The following ARAP1 variants were observed in gnomAD, a reference collection of about 807,000 sequenced individuals.
ARAP1 encodes arf-GAP with Rho-GAP domain, ANK repeat and PH domain-containing protein 1.
A neutral mutation model predicts 172.2 loss-of-function variants in ARAP1; 76 were observed. That is an observed-to-expected ratio of 0.44 (90% CI 0.37 to 0.53). The LOEUF is 0.53. Among genes scored for constraint, ARAP1 ranks in the 20% least tolerant of loss-of-function variants. ARAP1 has a pLI of 0.00. For missense variants in ARAP1, 1,686 were observed against 1,977.5 expected, an observed-to-expected ratio of 0.85 and a Z score of 2.80; for synonymous variants, 804 against 803.3, an observed-to-expected ratio of 1.00 and a Z score of -0.01.
chr11:72,726,404 C>T lies in ARAP1; in HGVS notation c.509+216G>A, dbSNP rs767158744. ...GAAACCTGGAGGCCTCACTGGCACA[C>T]GCCCAGCAGCCCAGGCACTGCGCTG... On this transcript the variant is annotated intron_variant, in intron 3 of 34. Coordinates refer to ENST00000393609, the MANE Select transcript of ARAP1 (RefSeq NM_001040118.3). The surrounding 1 kb of genome is among the most constrained non-coding windows in gnomAD (Gnocchi z 6.5). 1.3e-5 allele frequency among the ~76,000 whole-genome samples: 2 copies of T among 152,184 alleles called. No homozygotes were observed. The highest frequency in any genetic ancestry group is 2.9e-5 in the Non-Finnish European group (2 of 68,042).
At chr11:72,722,254 CA>C in intron 3 of ARAP1, 7 of 985,582 alleles carry the variant, frequency 7.1e-6, no homozygotes, top group Non-Finnish European at 8.4e-6. Context: ...TGTATGTCTG[CA>C]CCCAGCTCTG....
At position 72,712,487 on chromosome 11, in the gene ARAP1, C is replaced by G; in HGVS notation, c.829G>C (p.Asp277His). 6.2e-7 allele frequency: 1 copy of G among 1,610,106 alleles called. No homozygotes were observed. Among genetic ancestry groups the G allele is most frequent in the Non-Finnish European group, 8.5e-7 (1 of 1,177,098 alleles). Reference protein sequence around the residue: ...LSEGEELSGDDQGDEEEDDHA... With the variant: ...LSEGEELSGDHQGDEEEDDHA... ...TCATCCTCTTCCTCATCCCCTTGGT[C>G]GTCCCCAGACAGTTCCTCTCCCTCG... Residue 277 changes from aspartate (D) to histidine (H), a missense_variant, in exon 6 of 35, where the codon GAC becomes CAC. Coordinates refer to ENST00000393609, the MANE Select transcript of ARAP1 (RefSeq NM_001040118.3).
chr11:72,718,824 G>A (rs1268017062), intron 3 of ARAP1, among the ~76,000 whole-genome samples: 1 of 152,218 alleles, frequency 6.6e-6, no homozygotes, highest in Non-Finnish European at 1.5e-5. Flanking sequence ...AGAGGAGGGT[G>A]CAGCTTGTGC....
chr11:72,710,424 GGCCACGTACA>G lies in ARAP1; in HGVS notation c.1367_1376del (p.Leu456ProfsTer13). 1 of 1,614,006 alleles carries G rather than the reference GGCCACGTACA, an allele frequency of 6.2e-7. No homozygotes were observed. Among genetic ancestry groups the G allele is most frequent in the South Asian group, 1.1e-5 (1 of 91,080 alleles). ...AGAGCTGCACTTTGTCCCCGACCAC[GGCCACGTACA>G]GCTTATTCTTGAAGCCACGAAGCTC... On this transcript the variant is annotated frameshift_variant, in exon 10 of 35. Coordinates refer to ENST00000393609, the MANE Select transcript of ARAP1 (RefSeq NM_001040118.3). LOFTEE classifies it high-confidence loss of function. The surrounding 1 kb of genome is among the most constrained non-coding windows in gnomAD (Gnocchi z 4.3).
chr11:72,742,158 C>A (rs1238694591), intron 1 of ARAP1, among the ~76,000 whole-genome samples: 1 of 152,168 alleles, frequency 6.6e-6, no homozygotes, highest in Non-Finnish European at 1.5e-5. Context: ...TGACCTCAGT[C>A]TCCTGACTAT....
intron 3 of ARAP1, among the ~76,000 whole-genome samples, chr11:72,720,121 G>C (rs991565717): frequency 6.6e-6 from 1 of 152,150 alleles, no homozygotes; most frequent in Admixed American, 6.5e-5. Context: ...CACAGGTCTT[G>C]GAGGGACCTG....
chr11:72,745,841 T>G (rs916611421), intron 1 of ARAP1, among the ~76,000 whole-genome samples: 1 of 152,160 alleles, frequency 6.6e-6, no homozygotes, highest in African/African-American at 2.4e-5. Context: ...TGTGCTTCTC[T>G]GAGGGGCAGA....
rs2135496557 is a variant in ARAP1, at chr11:72,693,327, G to A, written c.3952C>T (p.Arg1318Trp). The change falls in exon 29 of 35, where the codon CGG (arginine) becomes TGG (tryptophan). Residue 1318 changes from arginine to tryptophan, a missense_variant and splice_region_variant. Arg to Trp is a moderately radical substitution (Grantham distance 101). Around this residue, in one of 5 missense-constraint regions of ARAP1, gnomAD observed 379 missense variants for 500.1 expected, o/e 0.76. Coordinates refer to ENST00000393609, the MANE Select transcript of ARAP1 (RefSeq NM_001040118.3). The surrounding 1 kb of genome is among the most constrained non-coding windows in gnomAD (Gnocchi z 4.6). ...SSCLRLYKEV[R>W]SQRPWSGAPE... ...CAGAACCCAGCGGGGCCACTTACCC[G>A]GACCTCCTTGTAGAGCCGCAAGCAG... 14 of 1,613,580 alleles carry A rather than the reference G, an allele frequency of 8.7e-6. No homozygotes were observed. The highest frequency in any genetic ancestry group is 1.7e-4 in the Middle Eastern group (1 of 6,058).
Position 72,725,168 on chromosome 11 carries a change from C to T in ARAP1, c.509+1452G>A, listed in dbSNP as rs1286739541. The stretch of plus-strand genomic sequence containing the variant: ...GGAACCCAGGCCTCCACTGCCCGTC[C>T]GGGAGTCACAGGAAGGGCCTGAGAG... On this transcript the variant is annotated intron_variant, in intron 3 of 34. Coordinates refer to ENST00000393609, the MANE Select transcript of ARAP1 (RefSeq NM_001040118.3). This position sits in a 1 kb window ranked among gnomAD's most constrained non-coding sequence, Gnocchi z 4.3. Among the ~76,000 whole-genome samples the T allele has an allele frequency of 1.3e-5, 2 of 152,146 alleles. No homozygotes were observed. The highest frequency in any genetic ancestry group is 2.9e-5 in the Non-Finnish European group (2 of 68,022).
In ARAP1 at chr11:72,726,902, C is replaced by T. The variant is rs375146072; in HGVS notation, c.227G>A (p.Arg76His). Residue 76 changes from arginine to histidine, a missense_variant, in exon 3 of 35, where the codon CGC becomes CAC. By Grantham distance (29) the Arg-to-His change is conservative. Around this residue, in one of 5 missense-constraint regions of ARAP1, gnomAD observed 190 missense variants for 228.6 expected, o/e 0.83. Coordinates refer to ENST00000393609, the MANE Select transcript of ARAP1 (RefSeq NM_001040118.3). The surrounding 1 kb of genome is among the most constrained non-coding windows in gnomAD (Gnocchi z 6.5). ...CATGGGCACAGGCCGTGGGGTGGGG[C>T]GGGGTGCAGGGGCCGGTGAGGTATG... ...RAHTSPAPAP[R>H]PTPRPVPMKR... 12 of 1,329,144 alleles carry T rather than the reference C, an allele frequency of 9.0e-6. No individual in the cohort carries two copies. The highest frequency in any genetic ancestry group is 3.0e-5 in the African/African-American group (2 of 65,804). The allele number at this position is 1,329,144 out of a possible 1,614,324, so 82.3% of individuals were successfully genotyped here.
At chr11:72,688,633 C>A (rs1446019557) in intron 30 of ARAP1, 96 bp from the exon 31 acceptor site, 2 of 1,049,216 alleles carry the variant, frequency 1.9e-6, no homozygotes, top group Non-Finnish European at 2.9e-6. Context: ...AACTCCCCAG[C>A]CCTCTTTGCA....
At position 72,725,811 on chromosome 11, in the gene ARAP1, C is replaced by A. The variant is rs556762852; in HGVS notation, c.509+809G>T. ...CAATAAACAAACAGGGACCAGGAGA[C>A]CTCTCTCCGCACACCCCTTCCTCCT... On this transcript the variant is annotated intron_variant, in intron 3 of 34. Coordinates refer to ENST00000393609, the MANE Select transcript of ARAP1 (RefSeq NM_001040118.3). The surrounding 1 kb of genome is among the most constrained non-coding windows in gnomAD (Gnocchi z 4.3). Among the ~76,000 whole-genome samples, 23 of 152,268 alleles carry A rather than the reference C, an allele frequency of 1.5e-4. 1 individual carries two copies. In the South Asian group the frequency reaches 4.1e-3, roughly 27 times the overall value.
At chr11:72,703,710 G>A (rs1363179303) in intron 14 of ARAP1, among the ~76,000 whole-genome samples, 1 of 152,268 alleles carries the variant, frequency 6.6e-6, no homozygotes, top group Non-Finnish European at 1.5e-5. Flanking sequence ...CCAGATCAGG[G>A]CCTAAGACTT....
Position 72,699,142 on chromosome 11 carries a change from C to T in ARAP1, c.2439-35G>A, listed in dbSNP as rs552606344. 1 of 1,606,948 alleles carries T rather than the reference C, an allele frequency of 6.2e-7. No homozygotes were observed. Among genetic ancestry groups the T allele is most frequent in the African/African-American group, 1.3e-5 (1 of 74,926 alleles). On this transcript the variant is annotated intron_variant, in intron 17 of 34. Coordinates refer to ENST00000393609, the MANE Select transcript of ARAP1 (RefSeq NM_001040118.3). This position sits in a 1 kb window ranked among gnomAD's most constrained non-coding sequence, Gnocchi z 4.2. ...CACAGGCCAGGACTCAGGCCCACCT[C>T]ATCCAGCACGGGCCCACCCCCAACC...
intron 30 of ARAP1, among the ~76,000 whole-genome samples, chr11:72,690,823 C>G (rs1244134243): frequency 6.6e-6 from 1 of 152,216 alleles, no homozygotes; most frequent in Non-Finnish European, 1.5e-5. Flanking sequence ...CCAGGTGCCT[C>G]AGGGTCTTTA....
At chr11:72,721,205 T>C (rs971781999) in intron 3 of ARAP1, among the ~76,000 whole-genome samples, 2 of 152,046 alleles carry the variant, frequency 1.3e-5, no homozygotes, top group African/African-American at 4.8e-5. Context: ...GAGGTCTATG[T>C]CCCCAATAAG....
At chr11:72,697,758 G>C (rs1438484141) in intron 19 of ARAP1, 109 bp from the exon 20 acceptor site, 9 of 1,537,014 alleles carry the variant, frequency 5.9e-6, no homozygotes, top group Non-Finnish European at 8.0e-6. Flanking sequence ...ACCAATGTAT[G>C]GGGTGGCTGA....
rs760700292 is a variant in ARAP1 at position 72,698,118 on chromosome 11, G to T, written c.2542-12C>A. 6.3e-7 allele frequency: 1 copy of T among 1,576,714 alleles called. No individual in the cohort carries two copies. Among genetic ancestry groups the T allele is most frequent in the Non-Finnish European group, 8.6e-7 (1 of 1,161,688 alleles). Reference sequence around the variant, plus strand: ...GGAGGCACGAATGCCTGGCAGAGAGGCGCCGGGGGAGACAGCATCAGCCAA... The same window carrying T: ...GGAGGCACGAATGCCTGGCAGAGAGTCGCCGGGGGAGACAGCATCAGCCAA... On this transcript the variant is annotated splice_polypyrimidine_tract_variant and intron_variant, in intron 18 of 34. Transcript: ENST00000393609.
In ARAP1 at chr11:72,696,649, C is replaced by A; in HGVS notation, c.3172G>T (p.Glu1058Ter). ...RLTWLEASEI[E>*]DEEEKVSRYR... is the part of the protein sequence containing the mutation. The stretch of plus-strand genomic sequence containing the variant: ...CTGGAGACCTTCTCCTCCTCGTCCT[C>A]AATCTCTGGGTGGGAAAGATAAATC... Residue 1058 changes from glutamate (E) to a stop codon, truncating the protein, a stop_gained, in exon 23 of 35, where the codon GAG (glutamate) becomes TAG (stop). Transcript: ENST00000393609. LOFTEE classifies it high-confidence loss of function. 1 of 1,592,052 alleles carries A rather than the reference C, an allele frequency of 6.3e-7. No homozygotes were observed. The highest frequency in any genetic ancestry group is 8.6e-7 in the Non-Finnish European group (1 of 1,167,458).
Sources: gnomAD v4.1 joint callset for allele counts (sites outside exome capture counted in the v4.1 genomes callset) on GRCh38, gnomAD v4.1.1 for gene constraint, gnomAD v4.1.1 regional missense constraint, Gnocchi (gnomAD v3.1) non-coding constraint, MANE v1.5 for transcripts, NCBI Gene and HGNC (gene_info 2026-07-23, HGNC 2026-07-21) for gene names.